Variants in VEPH1 observed in about 807,000 individuals in gnomAD.
The protein encoded by VEPH1 is ventricular zone expressed PH domain containing 1.
Under a neutral mutation model 85.2 loss-of-function variants are expected in VEPH1, and 80 were observed. The observed-to-expected ratio is 0.94, with a 90% CI of 0.78 to 1.13. The LOEUF (loss-of-function observed/expected upper bound fraction) is 1.13, where lower values mean the gene tolerates loss of function less well. Among genes scored for constraint, VEPH1 ranks in the 50% most tolerant of loss-of-function variants. VEPH1 has a pLI of 0.00. For synonymous variants in VEPH1, 297 were observed against 348.0 expected, an observed-to-expected ratio of 0.85 and a Z score of 1.63; for missense variants, 955 against 980.5, an observed-to-expected ratio of 0.97 and a Z score of 0.35.
chr3:157,501,738 C>T (rs1012996770), intron 1 of VEPH1, among the ~76,000 whole-genome samples: 3 of 152,178 alleles, frequency 2.0e-5, no homozygotes, highest in Admixed American at 6.5e-5. Flanking sequence ...AGAATTCAGC[C>T]TCTAGCTTGC....
rs1726305667 is a variant in VEPH1 at position 157,363,667 on chromosome 3, A to G, written c.1432T>C (p.Ser478Pro). The G allele has an allele frequency of 1.9e-6, 3 of 1,613,926 alleles. No individual in the cohort carries two copies. Among genetic ancestry groups the G allele is most frequent in the Non-Finnish European group, 2.5e-6 (3 of 1,180,012 alleles). ...ENRGDIPASI[S>P]LSEIDPLGQG... ...CCAAGTGGGTCTATTTCTGAAAGAG[A>G]GATGCTGGCTGGTATGTCTCCCCTG... Residue 478 changes from serine to proline, a missense_variant, in exon 9 of 14, where the codon TCT becomes CCT. Physicochemically the swap from Ser to Pro is moderately conservative, Grantham distance 74 (BLOSUM62 -1). Transcript: ENST00000362010.
chr3:157,290,983 TG>T (rs949481216), intron 11 of VEPH1, among the ~76,000 whole-genome samples: 6 of 152,218 alleles, frequency 3.9e-5, no homozygotes, highest in African/African-American at 1.4e-4. Context: ...TTTTATAATG[TG>T]GTCTATGTAC....
intron 12 of VEPH1, among the ~76,000 whole-genome samples, chr3:157,272,374 CTTTTCTTTCTTTCTTTCTTTCTTT>C (rs937430149): frequency 2.2e-5 from 2 of 89,012 alleles, no homozygotes; most frequent in Admixed American, 1.3e-4. Flanking sequence ...CTTTCTCTTT[CTTTTCTTTCTTTCTTTCTTTCTTT>C]CTTTCTTTCT....
chr3:157,365,903 G>A (rs531534684), intron 7 of VEPH1, among the ~76,000 whole-genome samples: 3 of 152,256 alleles, frequency 2.0e-5, no homozygotes, highest in Admixed American at 6.5e-5. Flanking sequence ...AGGCATGATT[G>A]ATTAAATGAT....
At chr3:157,273,476 T>C (rs1041442055) in intron 12 of VEPH1, among the ~76,000 whole-genome samples, 2 of 152,150 alleles carry the variant, frequency 1.3e-5, no homozygotes, top group Admixed American at 1.3e-4. Context: ...TGGGCTGAAT[T>C]CTCAGGGACA....
rs772631326 is a variant in VEPH1 at position 157,363,778 on chromosome 3, G to C, written c.1338-17C>G. 3 of 1,602,246 alleles carry C rather than the reference G, an allele frequency of 1.9e-6. No homozygotes were observed. Among genetic ancestry groups the C allele is most frequent in the East Asian group, 2.2e-5 (1 of 44,772 alleles). On this transcript the variant is annotated splice_polypyrimidine_tract_variant and intron_variant, in intron 8 of 13. Transcript: ENST00000362010. ...CTTTTTGACCTAGAGTTCAAACAAAGGGAAAGTTAAAGAAGTTGTGTTACC... is the reference window on the plus strand; with the variant it reads ...CTTTTTGACCTAGAGTTCAAACAAACGGAAAGTTAAAGAAGTTGTGTTACC...
intron 6 of VEPH1, among the ~76,000 whole-genome samples, chr3:157,385,835 T>C (rs1729231695): frequency 6.6e-6 from 1 of 152,230 alleles, no homozygotes; most frequent in Non-Finnish European, 1.5e-5. Context: ...AATCCACTGG[T>C]CTGTCTTGCA....
At chr3:157,282,318 G>A (rs528506637) in intron 12 of VEPH1, among the ~76,000 whole-genome samples, 99 of 152,134 alleles carry the variant, frequency 6.5e-4, no homozygotes, top group African/African-American at 2.0e-3. Flanking sequence ...CAATCTTCCC[G>A]CCACTCTTTC....
intron 11 of VEPH1, among the ~76,000 whole-genome samples, chr3:157,293,066 A>G (rs1251945534): frequency 6.6e-6 from 1 of 152,114 alleles, no homozygotes; most frequent in Non-Finnish European, 1.5e-5. Flanking sequence ...CAAAGCTTTC[A>G]TTTTTAAACA....
intron 11 of VEPH1, among the ~76,000 whole-genome samples, chr3:157,305,036 ATATCTATCTATCTATC>A (rs10530716): frequency 7.2e-6 from 1 of 139,500 alleles, no homozygotes; most frequent in South Asian, 2.3e-4. Context: ...GTGTATTGTT[ATATCTATCTATCTATC>A]TATCTATCTA....
At chr3:157,471,493 T>C (rs1019373133) in intron 2 of VEPH1, among the ~76,000 whole-genome samples, 4 of 152,188 alleles carry the variant, frequency 2.6e-5, no homozygotes, top group Admixed American at 2.0e-4. Context: ...TCCCTCCAGC[T>C]GGGTAATAGA....
At chr3:157,314,859 T>C (rs1288275412) in intron 10 of VEPH1, among the ~76,000 whole-genome samples, 1 of 152,084 alleles carries the variant, frequency 6.6e-6, no homozygotes, top group African/African-American at 2.4e-5. Flanking sequence ...CCAATGAAAA[T>C]AAACTTTTCA....
In VEPH1 at chr3:157,345,091, C is replaced by G. The variant is rs531473694; in HGVS notation, c.1735+18273G>C. 4.6e-5 allele frequency among the ~76,000 whole-genome samples: 7 copies of G among 152,298 alleles called. No homozygotes were observed. In the East Asian group the frequency reaches 1.3e-3, roughly 29 times the overall value. ...TAAAAACCCTAGAAGAAAACCTAGG[C>G]AATACCATTCAGGACATAGGCAGGG... On this transcript the variant is annotated intron_variant, in intron 9 of 13. Coordinates refer to ENST00000362010, the MANE Select transcript of VEPH1 (RefSeq NM_001167912.2).
intron 12 of VEPH1, among the ~76,000 whole-genome samples, chr3:157,273,250 A>T (rs371221684): frequency 1.7e-4 from 26 of 152,346 alleles, no homozygotes; most frequent in African/African-American, 6.0e-4. Context: ...CTTTATGGTT[A>T]CCATGCACTA....
At chr3:157,473,765 A>C (rs143373416) in intron 2 of VEPH1, among the ~76,000 whole-genome samples, 1,681 of 152,254 alleles carry the variant, frequency 0.011, 32 homozygotes, top group African/African-American at 0.039. Context: ...GAGATTTTAT[A>C]ATATTATAAT....
chr3:157,304,270 G>T (rs1394745766), intron 11 of VEPH1, among the ~76,000 whole-genome samples: 1 of 151,832 alleles, frequency 6.6e-6, no homozygotes, highest in Non-Finnish European at 1.5e-5. Context: ...TAGCAATGTG[G>T]ACTGAAAACA....
intron 3 of VEPH1, among the ~76,000 whole-genome samples, chr3:157,463,406 G>A (rs2109391033): frequency 6.6e-6 from 1 of 152,208 alleles, no homozygotes; most frequent in African/African-American, 2.4e-5. Context: ...TAGGTCTCTG[G>A]CCTATCCATC....
intron 12 of VEPH1, among the ~76,000 whole-genome samples, chr3:157,275,738 C>G (rs1455379685): frequency 6.6e-6 from 1 of 151,792 alleles, no homozygotes; most frequent in Admixed American, 6.6e-5. Flanking sequence ...CATTTTTTCC[C>G]CCTTGAAAAC....
chr3:157,426,107 G>A (rs556579488), intron 5 of VEPH1, among the ~76,000 whole-genome samples: 1 of 152,290 alleles, frequency 6.6e-6, no homozygotes, highest in South Asian at 2.1e-4. Flanking sequence ...ATGTGGAACT[G>A]TAAGTCAAAT....
Sources: gnomAD v4.1 joint callset for allele counts (sites outside exome capture counted in the v4.1 genomes callset) on GRCh38, gnomAD v4.1.1 for gene constraint, MANE v1.5 for transcripts, NCBI Gene and HGNC (gene_info 2026-07-23, HGNC 2026-07-21) for gene names.